Variants in BTRC observed in about 807,000 individuals in gnomAD.
BTRC encodes F-box/WD repeat-containing protein 1A.
Under a neutral mutation model 85.5 loss-of-function variants are expected in BTRC, and 42 were observed. The observed-to-expected ratio is 0.49, with a 90% CI of 0.38 to 0.64. The LOEUF (loss-of-function observed/expected upper bound fraction) is 0.64. BTRC is among the 30% of genes least tolerant of loss of function. BTRC has a pLI of 0.00. For missense variants in BTRC, 594 were observed against 743.5 expected, an observed-to-expected ratio of 0.80 and a Z score of 2.34; for synonymous variants, 255 against 263.3, an observed-to-expected ratio of 0.97 and a Z score of 0.30.
chr10:101,409,442 A>G (rs1048782148), intron 1 of BTRC, among the ~76,000 whole-genome samples: 10 of 152,244 alleles, frequency 6.6e-5, no homozygotes, highest in Admixed American at 6.5e-4. Flanking sequence ...GTATGTACAT[A>G]CAGTCATGTG....
chr10:101,449,236 A>G (rs1564779659), intron 2 of BTRC, among the ~76,000 whole-genome samples: 1 of 152,090 alleles, frequency 6.6e-6, no homozygotes, highest in Non-Finnish European at 1.5e-5. Context: ...TGGTAATACC[A>G]AAGCAAGGAA....
chr10:101,354,266 C>T lies in BTRC; in HGVS notation c.48+38C>T, dbSNP rs745520934. On this transcript the variant is annotated intron_variant, in intron 1 of 14. Transcript: ENST00000370187. ...TGGAGGCCGGGGAACGGTGGAGGCGCTGGCGTTGGCGGCGTCGCTGGCCTG... is the reference window on the plus strand; with the variant it reads ...TGGAGGCCGGGGAACGGTGGAGGCGTTGGCGTTGGCGGCGTCGCTGGCCTG... 66 of 1,546,942 alleles carry T rather than the reference C, an allele frequency of 4.3e-5. 1 individual carries two copies. In the Admixed American group the frequency reaches 5.9e-4, roughly 14 times the overall value.
chr10:101,382,273 G>A (rs535965488), intron 1 of BTRC, among the ~76,000 whole-genome samples: 17 of 151,736 alleles, frequency 1.1e-4, no homozygotes, highest in African/African-American at 3.4e-4. Context: ...ATGAGCCACC[G>A]CGTCCGGCCC....
chr10:101,397,237 G>T (rs1034003868), intron 1 of BTRC, among the ~76,000 whole-genome samples: 3 of 152,212 alleles, frequency 2.0e-5, no homozygotes, highest in African/African-American at 7.2e-5. Context: ...GTTACATATT[G>T]CAGAAAGGCA....
intron 4 of BTRC, 65 bp from the exon 5 acceptor site, chr10:101,521,574 A>T: frequency 8.5e-7 from 1 of 1,177,840 alleles, no homozygotes; most frequent in Non-Finnish European, 1.2e-6. Flanking sequence ...ATACCAGAAA[A>T]TCATATATAT....
At chr10:101,499,112 G>A (rs1392354332) in intron 4 of BTRC, among the ~76,000 whole-genome samples, 1 of 152,138 alleles carries the variant, frequency 6.6e-6, no homozygotes, top group Non-Finnish European at 1.5e-5. Context: ...ATTGTAGGAA[G>A]TAGGTGGTAT....
At chr10:101,454,273 C>G (rs992489737) in intron 2 of BTRC, among the ~76,000 whole-genome samples, 1 of 152,074 alleles carries the variant, frequency 6.6e-6, no homozygotes, top group Non-Finnish European at 1.5e-5. Context: ...ACTGGTTAGT[C>G]GAAAGTAACA....
At chr10:101,377,524 A>G (rs1942821877) in intron 1 of BTRC, among the ~76,000 whole-genome samples, 1 of 152,336 alleles carries the variant, frequency 6.6e-6, no homozygotes, top group South Asian at 2.1e-4. Flanking sequence ...GTTGATCTAC[A>G]TCCGTGTCAG....
At chr10:101,357,107 C>A (rs577644318) in intron 1 of BTRC, among the ~76,000 whole-genome samples, 4 of 143,694 alleles carry the variant, frequency 2.8e-5, no homozygotes, top group African/African-American at 1.0e-4. Context: ...CCAGCCTGGG[C>A]GACAGAGCAA....
chr10:101,457,105 TA>T (rs1945102719), intron 2 of BTRC, among the ~76,000 whole-genome samples: 1 of 152,134 alleles, frequency 6.6e-6, no homozygotes, highest in Non-Finnish European at 1.5e-5. Flanking sequence ...ACAATAAGAA[TA>T]AAATAGAACA....
At chr10:101,476,960 G>T (rs879912007) in intron 3 of BTRC, among the ~76,000 whole-genome samples, 14 of 151,856 alleles carry the variant, frequency 9.2e-5, no homozygotes, top group Admixed American at 9.2e-4. Flanking sequence ...AAGCTCTGGG[G>T]ATGGAAACCT....
intron 1 of BTRC, among the ~76,000 whole-genome samples, chr10:101,358,812 T>C (rs1590194817): frequency 6.6e-6 from 1 of 152,072 alleles, no homozygotes. Flanking sequence ...AGTCCAAGAA[T>C]GTCACTGTGG....
intron 4 of BTRC, among the ~76,000 whole-genome samples, chr10:101,517,661 A>G (rs544413761): frequency 3.9e-5 from 6 of 152,296 alleles, no homozygotes; most frequent in Admixed American, 3.9e-4. Context: ...TTATCCTTTA[A>G]AGAAATACTT....
chr10:101,514,948 GT>G (rs750351066), intron 4 of BTRC, among the ~76,000 whole-genome samples: 4 of 151,982 alleles, frequency 2.6e-5, no homozygotes, highest in Non-Finnish European at 4.4e-5. Flanking sequence ...GTTTTTTAGG[GT>G]TTTGTTTGTT....
At chr10:101,397,097 C>T (rs778540101) in intron 1 of BTRC, among the ~76,000 whole-genome samples, 1 of 152,126 alleles carries the variant, frequency 6.6e-6, no homozygotes, top group Non-Finnish European at 1.5e-5. Context: ...AGCCACTGCG[C>T]CCAGCCTGTC....
intron 1 of BTRC, among the ~76,000 whole-genome samples, chr10:101,359,936 G>A (rs1466592707): frequency 6.6e-6 from 1 of 151,958 alleles, no homozygotes; most frequent in Non-Finnish European, 1.5e-5. Context: ...GTTTATAGTA[G>A]ATTTTCATAA....
chr10:101,370,668 C>T (rs1463096998), intron 1 of BTRC, among the ~76,000 whole-genome samples: 1 of 144,820 alleles, frequency 6.9e-6, no homozygotes, highest in Non-Finnish European at 1.5e-5. Context: ...CTCCTGGGCT[C>T]AAGCGATCCT....
In BTRC at chr10:101,487,829, G is replaced by C. The variant is rs548642151; in HGVS notation, c.324+8372G>C. Among the ~76,000 whole-genome samples, 5 of 152,210 alleles carry C rather than the reference G, an allele frequency of 3.3e-5. No homozygotes were observed. The South Asian group carries it at 1.0e-3, about 32-fold the overall frequency. ...GAGCACCACAGCTGCACAATGCCAG[G>C]CTCAGTTTCTGAAAAGGAAAGCAAA... On this transcript the variant is annotated intron_variant, in intron 4 of 14. Coordinates refer to ENST00000370187, the MANE Select transcript of BTRC (RefSeq NM_033637.4).
chr10:101,520,206 C>A (rs2062084025), intron 4 of BTRC, among the ~76,000 whole-genome samples: 1 of 151,936 alleles, frequency 6.6e-6, no homozygotes, highest in African/African-American at 2.4e-5. Context: ...GGAAGTGGTG[C>A]AATCTCAGCT....
Sources: allele counts gnomAD v4.1 joint callset (sites outside exome capture counted in the v4.1 genomes callset), GRCh38; gene constraint gnomAD v4.1.1; transcripts MANE v1.5; gene names NCBI Gene and HGNC (gene_info 2026-07-23, HGNC 2026-07-21).